Variants in CDH9 observed in about 807,000 individuals in gnomAD.
CDH9 encodes cadherin-9.
Under a neutral mutation model 70.9 loss-of-function variants are expected in CDH9, and 28 were observed. That is an observed-to-expected ratio of 0.40 (90% CI 0.29 to 0.54). The LOEUF (loss-of-function observed/expected upper bound fraction) is 0.54. CDH9 is among the 20% of genes least tolerant of loss of function. The pLI, the probability that CDH9 is intolerant of heterozygous loss-of-function variation, is 0.59. For synonymous variants in CDH9, 409 were observed against 343.1 expected (o/e 1.19, Z -2.12); for missense variants, 874 against 984.4 (o/e 0.89, Z 1.50).
At chr5:26,890,968 C>T (rs17497028) in intron 7 of CDH9, 52,916 of 157,130 alleles carry the variant, frequency 0.34, 10,284 homozygotes, top group Non-Finnish European at 0.44. Flanking sequence ...TAACTGTGTC[C>T]AGAGTCCTCT....
intron 1 of CDH9, among the ~76,000 whole-genome samples, chr5:27,028,015 C>T (rs1465334377): frequency 6.6e-6 from 1 of 151,976 alleles, no homozygotes; most frequent in Non-Finnish European, 1.5e-5. Flanking sequence ...GGACAGATTT[C>T]AGAATAGTTT....
At chr5:26,955,004 C>T (rs1741922790) in intron 2 of CDH9, among the ~76,000 whole-genome samples, 1 of 152,016 alleles carries the variant, frequency 6.6e-6, no homozygotes, top group Admixed American at 6.6e-5. Flanking sequence ...CACTACACAC[C>T]AGCCTGGCAA....
At chr5:26,994,526 C>T (rs1479686484) in intron 1 of CDH9, among the ~76,000 whole-genome samples, 10 of 150,288 alleles carry the variant, frequency 6.7e-5, no homozygotes, top group East Asian at 2.0e-4. Context: ...TTTTTTGTTT[C>T]GTTTTGTTTT....
chr5:27,017,385 G>A (rs115360898), intron 1 of CDH9, among the ~76,000 whole-genome samples: 55 of 151,954 alleles, frequency 3.6e-4, no homozygotes, highest in African/African-American at 1.3e-3. Context: ...TTAAAAAAAT[G>A]TTCAAAGGGA....
At chr5:26,927,314 A>C (rs10065358) in intron 2 of CDH9, among the ~76,000 whole-genome samples, 14,440 of 152,046 alleles carry the variant, frequency 0.095, 846 homozygotes, top group East Asian at 0.17. Flanking sequence ...AAAGTGAAAT[A>C]CTTTCCTCTA....
At chr5:26,899,317 T>C (rs1262818777) in intron 7 of CDH9, among the ~76,000 whole-genome samples, 1 of 152,194 alleles carries the variant, frequency 6.6e-6, no homozygotes, top group Non-Finnish European at 1.5e-5. Flanking sequence ...ATCCCACTAC[T>C]GGGTATATAC....
At chr5:26,943,512 CA>C (rs5866812) in intron 2 of CDH9, among the ~76,000 whole-genome samples, 92,999 of 122,136 alleles carry the variant, frequency 0.76, 36,704 homozygotes, top group East Asian at 0.98. Context: ...GACTCCATCT[CA>C]AAAAAAAAAA....
rs565631738 is a variant in CDH9 at position 26,982,455 on chromosome 5, T to C, written c.228+5651A>G. 8.5e-5 allele frequency among the ~76,000 whole-genome samples: 13 copies of C among 152,282 alleles called. No individual in the cohort carries two copies. The East Asian group carries it at 2.3e-3, about 27-fold the overall frequency. On this transcript the variant is annotated intron_variant, in intron 2 of 11. Transcript: ENST00000231021. ...GGGAATATATTTCTATAAAATTTTC[T>C]CTGCTTTTTCTATTTTTCATAATGT... is the stretch of plus-strand genomic sequence containing the variant.
intron 7 of CDH9, among the ~76,000 whole-genome samples, chr5:26,898,128 A>G (rs1740784903): frequency 6.6e-6 from 1 of 152,164 alleles, no homozygotes; most frequent in Admixed American, 6.5e-5. Context: ...GATGTGAAGT[A>G]CCTCTTCAAG....
chr5:26,898,162 A>G (rs1031856881), intron 7 of CDH9, among the ~76,000 whole-genome samples: 1 of 152,020 alleles, frequency 6.6e-6, no homozygotes, highest in African/African-American at 2.4e-5. Context: ...CACTGCTCAA[A>G]GAAATAAGGG....
At chr5:26,893,802 A>C (rs1740701781) in intron 7 of CDH9, among the ~76,000 whole-genome samples, 1 of 152,128 alleles carries the variant, frequency 6.6e-6, no homozygotes, top group Admixed American at 6.5e-5. Flanking sequence ...ACAATGTAGT[A>C]AAATTGAGCA....
intron 2 of CDH9, among the ~76,000 whole-genome samples, chr5:26,949,459 A>G (rs1741808263): frequency 6.6e-6 from 1 of 152,238 alleles, no homozygotes; most frequent in South Asian, 2.1e-4. Flanking sequence ...TGCATCTACA[A>G]ATTAAACCAT....
intron 2 of CDH9, among the ~76,000 whole-genome samples, chr5:26,936,105 G>A (rs1438811418): frequency 6.7e-6 from 1 of 148,770 alleles, no homozygotes; most frequent in Non-Finnish European, 1.5e-5. Context: ...GTGGGGAAGA[G>A]TGGGGGGGTG....
intron 2 of CDH9, among the ~76,000 whole-genome samples, chr5:26,944,697 T>C (rs1741718178): frequency 6.6e-6 from 1 of 152,144 alleles, no homozygotes; most frequent in Admixed American, 6.5e-5. Context: ...GATAATTTAT[T>C]ATTAGCTGTT....
At chr5:26,898,886 A>G (rs796639563) in intron 7 of CDH9, among the ~76,000 whole-genome samples, 17 of 152,162 alleles carry the variant, frequency 1.1e-4, no homozygotes, top group African/African-American at 4.1e-4. Context: ...GATCAGGCAA[A>G]CTATAGAATG....
chr5:27,012,215 A>T (rs1283053809), intron 1 of CDH9, among the ~76,000 whole-genome samples: 1 of 151,908 alleles, frequency 6.6e-6, no homozygotes, highest in East Asian at 1.9e-4. Context: ...ATGTAATTCT[A>T]CTTAAATGCT....
At chr5:26,964,115 TTTA>T (rs1238602736) in intron 2 of CDH9, among the ~76,000 whole-genome samples, 1 of 124,724 alleles carries the variant, frequency 8.0e-6, no homozygotes, top group Non-Finnish European at 1.8e-5. Flanking sequence ...TGTTTTATAC[TTTA>T]TTGTTTTGTT....
Position 26,955,604 on chromosome 5 carries a change from C to CTG in CDH9, c.228+32500_228+32501dup, listed in dbSNP as rs1305395324. ...TCTCTCTCTCTCTCTCTCTCTCTCT[C>CTG]TGTGTGTGTTTCTCATTATTTCAAT... On this transcript the variant is annotated intron_variant, in intron 2 of 11. Transcript: ENST00000231021. Among the ~76,000 whole-genome samples, 184 of 112,626 alleles carry CTG rather than the reference C, an allele frequency of 1.6e-3. 1 individual carries two copies. The highest frequency in any genetic ancestry group is 5.7e-3 in the African/African-American group (159 of 27,872). The allele number at this position is 112,626 out of a possible 152,430, so 73.9% of individuals were successfully genotyped here.
chr5:27,015,240 T>C (rs1262356807), intron 1 of CDH9, among the ~76,000 whole-genome samples: 2 of 151,796 alleles, frequency 1.3e-5, no homozygotes, highest in East Asian at 3.9e-4. Context: ...AATTATAATA[T>C]AAATAATACC....
Sources: allele counts gnomAD v4.1 joint callset (sites outside exome capture counted in the v4.1 genomes callset), GRCh38; gene constraint gnomAD v4.1.1; transcripts MANE v1.5; gene names NCBI Gene and HGNC (gene_info 2026-07-23, HGNC 2026-07-21).